The following SORCS1 variants were observed in gnomAD, a reference collection of about 807,000 sequenced individuals.
The protein encoded by SORCS1 is sortilin related VPS10 domain containing receptor 1, also known as VPS10 domain-containing receptor SorCS1.
In SORCS1, 60 loss-of-function variants were observed where a neutral mutation model predicts 146.1. The ratio of observed to expected loss-of-function variants is 0.41; its 90% CI spans 0.33 to 0.51. The LOEUF is 0.51. Ranked by LOEUF, SORCS1 falls within the 20% of genes least tolerant of loss-of-function variation. The probability of loss-of-function intolerance (pLI) is 0.21; values close to 1 mark genes in which losing one functional copy is unlikely to be tolerated. For synonymous variants in SORCS1, 637 were observed against 584.0 expected (o/e 1.09, Z -1.31); for missense variants, 1,352 against 1,487.6 (o/e 0.91, Z 1.50).
At chr10:106,986,507 C>T (rs1239827837) in intron 1 of SORCS1, among the ~76,000 whole-genome samples, 3 of 130,506 alleles carry the variant, frequency 2.3e-5, no homozygotes, top group African/African-American at 9.6e-5. Context: ...AATATATATA[C>T]AACCGTGTGT....
intron 1 of SORCS1, among the ~76,000 whole-genome samples, chr10:107,025,969 G>T (rs747861826): frequency 2.6e-5 from 4 of 152,158 alleles, no homozygotes; most frequent in Non-Finnish European, 5.9e-5. Flanking sequence ...AGCTACATCA[G>T]CCTCCCTTCA....
intron 1 of SORCS1, among the ~76,000 whole-genome samples, chr10:107,047,490 C>T (rs565654032): frequency 1.3e-5 from 2 of 152,240 alleles, no homozygotes; most frequent in African/African-American, 4.8e-5. Flanking sequence ...TATTATTAGG[C>T]ATGGTATCTA....
At chr10:106,756,054 G>A (rs916889533) in intron 5 of SORCS1, among the ~76,000 whole-genome samples, 3 of 151,980 alleles carry the variant, frequency 2.0e-5, no homozygotes, top group African/African-American at 7.2e-5. Flanking sequence ...TCTTGAACCC[G>A]GGAGGCAGAG....
At chr10:106,976,340 T>TTGTTTTG (rs1554901389) in intron 1 of SORCS1, among the ~76,000 whole-genome samples, 2,503 of 123,706 alleles carry the variant, frequency 0.02, 97 homozygotes, top group African/African-American at 0.081. Flanking sequence ...TTTGTTTTTT[T>TTGTTTTG]TTTTTTTTTG....
At chr10:106,593,724 T>C (rs545103231) in intron 24 of SORCS1, among the ~76,000 whole-genome samples, 1 of 152,330 alleles carries the variant, frequency 6.6e-6, no homozygotes, top group Admixed American at 6.5e-5. Flanking sequence ...AGTCAAAGAA[T>C]TTTCTCACTC....
intron 1 of SORCS1, among the ~76,000 whole-genome samples, chr10:107,130,350 C>T (rs1345149376): frequency 1.3e-5 from 2 of 152,224 alleles, no homozygotes; most frequent in Non-Finnish European, 2.9e-5. Flanking sequence ...AAATAATCAA[C>T]ATTTCTCAAA....
chr10:106,880,356 A>G (rs552228393), intron 2 of SORCS1, among the ~76,000 whole-genome samples: 7 of 152,324 alleles, frequency 4.6e-5, no homozygotes, highest in Admixed American at 2.0e-4. Context: ...TTTTGTGTTA[A>G]AAGAAAAAAT....
intron 24 of SORCS1, among the ~76,000 whole-genome samples, chr10:106,586,260 C>A (rs181883309): frequency 2.0e-5 from 3 of 152,214 alleles, no homozygotes; most frequent in East Asian, 3.9e-4. Context: ...TGAAAGGGGG[C>A]GCTATTAAAG....
chr10:106,883,524 C>T (rs1425127815), intron 2 of SORCS1, among the ~76,000 whole-genome samples: 2 of 151,566 alleles, frequency 1.3e-5, no homozygotes, highest in East Asian at 1.9e-4. Flanking sequence ...ACGCTATTCT[C>T]CCGCCTCAGC....
intron 3 of SORCS1, among the ~76,000 whole-genome samples, chr10:106,777,588 A>C (rs1362790722): frequency 1.3e-5 from 2 of 152,232 alleles, no homozygotes; most frequent in Non-Finnish European, 2.9e-5. Flanking sequence ...CCACAGAAGA[A>C]GCTATAAATA....
intron 2 of SORCS1, among the ~76,000 whole-genome samples, chr10:106,831,863 T>C (rs1390787858): frequency 6.6e-6 from 1 of 152,122 alleles, no homozygotes; most frequent in Non-Finnish European, 1.5e-5. Context: ...AATGGGTAAG[T>C]TTAGAAAACA....
At chr10:107,083,128 AAAAG>A (rs1963470115) in intron 1 of SORCS1, among the ~76,000 whole-genome samples, 2 of 151,758 alleles carry the variant, frequency 1.3e-5, no homozygotes, top group Middle Eastern at 3.4e-3. Context: ...AAAAAAAAAA[AAAAG>A]AAAGTCAACT....
intron 19 of SORCS1, among the ~76,000 whole-genome samples, chr10:106,626,697 A>C (rs1848134831): frequency 1.3e-5 from 2 of 152,210 alleles, no homozygotes; most frequent in South Asian, 4.1e-4. Flanking sequence ...GAGCAAAAAG[A>C]GTTTGTGGGC....
intron 1 of SORCS1, among the ~76,000 whole-genome samples, chr10:106,999,768 G>A (rs1278738949): frequency 6.6e-6 from 1 of 152,210 alleles, no homozygotes; most frequent in Admixed American, 6.5e-5. Context: ...TCAGCCAGGG[G>A]CTGGGCTCAA....
intron 17 of SORCS1, among the ~76,000 whole-genome samples, chr10:106,662,755 C>T (rs1459297477): frequency 1.3e-5 from 2 of 152,154 alleles, no homozygotes; most frequent in Non-Finnish European, 2.9e-5. Flanking sequence ...CATGAAATGA[C>T]CTTCCTCACC....
At chr10:106,683,773 C>T (rs1272922885) in intron 10 of SORCS1, among the ~76,000 whole-genome samples, 1 of 152,182 alleles carries the variant, frequency 6.6e-6, no homozygotes, top group Non-Finnish European at 1.5e-5. Context: ...ATCCCCAACA[C>T]TCTCCCTCCC....
At chr10:106,690,508 G>A (rs541264889) in intron 9 of SORCS1, among the ~76,000 whole-genome samples, 1 of 152,216 alleles carries the variant, frequency 6.6e-6, no homozygotes, top group Non-Finnish European at 1.5e-5. Flanking sequence ...TGGTTCATTT[G>A]ATTCGCAGAA....
chr10:107,146,367 T>C (rs775122328), intron 1 of SORCS1, among the ~76,000 whole-genome samples: 3 of 152,178 alleles, frequency 2.0e-5, no homozygotes, highest in Non-Finnish European at 2.9e-5. Context: ...TCAAAAAATG[T>C]TTCCTCTAAA....
At chr10:106,949,967 A>C (rs1239742473) in intron 2 of SORCS1, among the ~76,000 whole-genome samples, 1 of 152,218 alleles carries the variant, frequency 6.6e-6, no homozygotes, top group Non-Finnish European at 1.5e-5. Flanking sequence ...AGATGAATAT[A>C]TTTCTTCTCA....
Sources: gnomAD v4.1 joint callset for allele counts (sites outside exome capture counted in the v4.1 genomes callset) on GRCh38, gnomAD v4.1.1 for gene constraint, MANE v1.5 for transcripts, NCBI Gene and HGNC (gene_info 2026-07-23, HGNC 2026-07-21) for gene names.